ZNF140: variants seen among roughly 807,000 people sequenced by gnomAD.
ZNF140 encodes the protein zinc finger protein 140 (clone pHZ-39).
In ZNF140, 13 loss-of-function variants were observed where a neutral mutation model predicts 12.9. The observed-to-expected ratio is 1.01, with a 90% CI of 0.66 to 1.60. The LOEUF (loss-of-function observed/expected upper bound fraction) is 1.60. Among genes scored for constraint, ZNF140 ranks in the 40% most tolerant of loss-of-function variants. The pLI is 0.00. For missense variants in ZNF140, 531 were observed against 548.8 expected (o/e 0.97, Z 0.32); for synonymous variants, 214 against 186.7 (o/e 1.15, Z -1.19).
intron 2 of ZNF140, 44 bp downstream of exon 2, chr12:133,081,373 A>ATATATATATATATATATATATATATATT (rs1481354616): frequency 4.5e-6 from 1 of 223,824 alleles, no homozygotes; most frequent in Non-Finnish European, 7.6e-6. Flanking sequence ...ATATATATAA[A>ATATATATATATATATATATATATATATT]TTTTTATTTT....
Position 133,105,896 on chromosome 12 carries a change from C to T in ZNF140, c.619C>T (p.His207Tyr), listed in dbSNP as rs1479549398. The T allele has an allele frequency of 6.2e-7, 1 of 1,613,956 alleles. No individual in the cohort carries two copies. Among genetic ancestry groups the T allele is most frequent in the Non-Finnish European group, 8.5e-7 (1 of 1,180,034 alleles). ...TFSQISNLVK[H>Y]QMIHTGKKPH... ...TAGCCAGATTTCAAACCTTGTGAAA[C>T]ACCAAATGATACATACTGGAAAGAA... Residue 207 changes from histidine (H) to tyrosine (Y), a missense_variant, in exon 5 of 5, where the codon CAC (histidine) becomes TAC (tyrosine). His to Tyr is a moderately conservative substitution (Grantham distance 83, BLOSUM62 2). Transcript: ENST00000355557.
rs898320348 is a variant in ZNF140, at chr12:133,091,598, G to A, written c.232+8037G>A. The stretch of plus-strand genomic sequence containing the variant: ...GCCATCGTCATCATGACCCGTTCTC[G>A]CTGGTCGCTGTCTCTCCGGAGCTGT... On this transcript the variant is annotated intron_variant, in intron 4 of 4. Coordinates refer to ENST00000355557, the MANE Select transcript of ZNF140 (RefSeq NM_003440.4). 1.1e-3 allele frequency among the ~76,000 whole-genome samples: 163 copies of A among 150,328 alleles called. 5 individuals carry two copies. Among genetic ancestry groups the A allele is most frequent in the African/African-American group, 3.5e-3 (142 of 40,394 alleles).
At chr12:133,101,554 C>T (rs931255985) in intron 4 of ZNF140, among the ~76,000 whole-genome samples, 30 of 152,196 alleles carry the variant, frequency 2.0e-4, no homozygotes, top group African/African-American at 6.5e-4. Context: ...ACGCCATTCT[C>T]CTGCCTCAGC....
chr12:133,096,603 A>G (rs1955139198), intron 4 of ZNF140, among the ~76,000 whole-genome samples: 1 of 152,140 alleles, frequency 6.6e-6, no homozygotes, highest in Non-Finnish European at 1.5e-5. Flanking sequence ...AGTTCAACAT[A>G]TTTTTAAGTT....
intron 4 of ZNF140, among the ~76,000 whole-genome samples, chr12:133,085,166 A>G (rs912787738): frequency 1.3e-5 from 2 of 152,122 alleles, no homozygotes; most frequent in Non-Finnish European, 2.9e-5. Flanking sequence ...CTGGGACTAC[A>G]GGCACCTGCC....
chr12:133,101,041 T>C, intron 4 of ZNF140: 1 of 440,836 alleles, frequency 2.3e-6, no homozygotes, highest in Non-Finnish European at 4.5e-6. Context: ...TTCCCAGCCT[T>C]GTTCCTTTAT....
At chr12:133,088,192 T>A (rs1954742363) in intron 4 of ZNF140, among the ~76,000 whole-genome samples, 1 of 152,072 alleles carries the variant, frequency 6.6e-6, no homozygotes, top group Non-Finnish European at 1.5e-5. Flanking sequence ...CTCTAAATCT[T>A]TCTAGATTTT....
At chr12:133,101,918 G>A (rs777090427) in intron 4 of ZNF140, among the ~76,000 whole-genome samples, 2 of 150,982 alleles carry the variant, frequency 1.3e-5, no homozygotes, top group Non-Finnish European at 2.9e-5. Flanking sequence ...CATTCCTACC[G>A]TATCTGTCTC....
intron 4 of ZNF140, among the ~76,000 whole-genome samples, chr12:133,096,761 T>C (rs1351825671): frequency 6.6e-6 from 1 of 152,248 alleles, no homozygotes; most frequent in Non-Finnish European, 1.5e-5. Context: ...TTCTTTGAAA[T>C]TTGTTAAGAT....
intron 4 of ZNF140, among the ~76,000 whole-genome samples, chr12:133,101,999 A>G (rs1395161025): frequency 1.3e-5 from 2 of 151,766 alleles, no homozygotes; most frequent in African/African-American, 4.8e-5. Flanking sequence ...ATAATTTTAC[A>G]TTGAAGGGTG....
chr12:133,103,197 CTCT>C (rs941001276), intron 4 of ZNF140, among the ~76,000 whole-genome samples: 5 of 152,148 alleles, frequency 3.3e-5, no homozygotes, highest in Admixed American at 1.3e-4. Flanking sequence ...CAAAACTTCT[CTCT>C]TCTATTTTGA....
At chr12:133,085,110 C>T (rs979192977) in intron 4 of ZNF140, among the ~76,000 whole-genome samples, 1 of 152,070 alleles carries the variant, frequency 6.6e-6, no homozygotes, top group Non-Finnish European at 1.5e-5. Flanking sequence ...CTGCAACCTC[C>T]GCTGTCTGGG....
chr12:133,103,940 C>T (rs1180047243), intron 4 of ZNF140, among the ~76,000 whole-genome samples: 1 of 152,208 alleles, frequency 6.6e-6, no homozygotes, highest in Middle Eastern at 3.2e-3. Flanking sequence ...AGCTGTTTCA[C>T]TGCCTCCCCA....
intron 4 of ZNF140, among the ~76,000 whole-genome samples, chr12:133,099,227 C>T (rs982834754): frequency 7.9e-5 from 12 of 151,866 alleles, no homozygotes; most frequent in African/African-American, 2.4e-4. Flanking sequence ...GGCTGGAGTG[C>T]CATGGCATGA....
chr12:133,099,687 T>TA (rs1200704453), intron 4 of ZNF140, among the ~76,000 whole-genome samples: 4 of 152,056 alleles, frequency 2.6e-5, no homozygotes, highest in Admixed American at 6.6e-5. Flanking sequence ...CCCTGTCTTT[T>TA]AAAAAAATAA....
In ZNF140 at chr12:133,106,432, T is replaced by C. The variant is rs773703927; in HGVS notation, c.1155T>C (p.Tyr385=). Residue 385 remains tyrosine, a synonymous_variant, in exon 5 of 5, where the codon TAT becomes TAC. Transcript: ENST00000355557. ...AGAGTCACACTGGAGAGAAACCCTA[T>C]GCGTGTGCTGAATGTGATAAAGCCT... ...HTKSHTGEKP[Y]ACAECDKAFS... 3.1e-6 allele frequency: 5 copies of C among 1,614,130 alleles called. No homozygotes were observed. The highest frequency in any genetic ancestry group is 2.2e-5 in the East Asian group (1 of 44,854).
intron 4 of ZNF140, 118 bp downstream of exon 4, chr12:133,083,679 G>A (rs1028430134): frequency 8.5e-6 from 8 of 938,376 alleles, no homozygotes; most frequent in Non-Finnish European, 1.3e-5. Context: ...CTAGAGATAC[G>A]CTAGGCACGG....
chr12:133,093,815 A>T (rs944350206), intron 4 of ZNF140, among the ~76,000 whole-genome samples: 3 of 150,226 alleles, frequency 2.0e-5, no homozygotes, highest in Non-Finnish European at 4.4e-5. Context: ...TCTCTCTCTC[A>T]CACACTTTAT....
chr12:133,105,487 A>C, intron 4 of ZNF140, 23 bp from the exon 5 acceptor site: 1 of 1,442,772 alleles, frequency 6.9e-7, no homozygotes, highest in East Asian at 2.3e-5. Context: ...AGAAACATTC[A>C]CTTTTTTTTT....
Sources: allele counts gnomAD v4.1 joint callset (sites outside exome capture counted in the v4.1 genomes callset), GRCh38; gene constraint gnomAD v4.1.1; transcripts MANE v1.5; gene names NCBI Gene and HGNC (gene_info 2026-07-23, HGNC 2026-07-21).